The following SRD5A2 variants were observed in gnomAD, a reference collection of about 807,000 sequenced individuals.
SRD5A2 encodes 3-oxo-5-alpha-steroid 4-dehydrogenase 2.
In SRD5A2, 30 loss-of-function variants were observed where a neutral mutation model predicts 27.4. The observed-to-expected ratio is 1.10, with a 90% confidence interval of 0.82 to 1.49. The LOEUF is 1.49. SRD5A2 is among the 40% of genes most tolerant of loss of function. The pLI, the probability that SRD5A2 is intolerant of heterozygous loss-of-function variation, is 0.00. For synonymous variants in SRD5A2, 141 were observed against 133.6 expected (o/e 1.06, Z -0.38); for missense variants, 348 against 323.4 (o/e 1.08, Z -0.58).
chr2:31,609,223 A>G, the SRD5A2 span, among the ~76,000 whole-genome samples: 1 of 152,076 alleles, frequency 6.6e-6, no homozygotes, highest in Non-Finnish European at 1.5e-5. Context: ...TACTATTCAA[A>G]CTGATCTACA....
At chr2:31,569,496 A>G (rs1666805675) in intron 1 of SRD5A2, among the ~76,000 whole-genome samples, 1 of 152,178 alleles carries the variant, frequency 6.6e-6, no homozygotes, top group Admixed American at 6.5e-5. Context: ...CCTAATCACT[A>G]ATAATGAGCA....
intron 1 of SRD5A2, among the ~76,000 whole-genome samples, chr2:31,538,451 C>G (rs1245669777): frequency 6.6e-6 from 1 of 152,194 alleles, no homozygotes; most frequent in South Asian, 2.1e-4. Flanking sequence ...CATTAAACCT[C>G]TCCCGGGTAT....
At chr2:31,587,259 T>C in the SRD5A2 span, among the ~76,000 whole-genome samples, 1 of 152,184 alleles carries the variant, frequency 6.6e-6, no homozygotes, top group East Asian at 1.9e-4. Context: ...AAACAACAGA[T>C]GCTGGCAAAG....
chr2:31,562,465 G>A (rs572679740), intron 1 of SRD5A2, among the ~76,000 whole-genome samples: 1 of 152,084 alleles, frequency 6.6e-6, no homozygotes, highest in African/African-American at 2.4e-5. Context: ...TCAAATACTA[G>A]AACTTATTCA....
intron 1 of SRD5A2, among the ~76,000 whole-genome samples, chr2:31,562,523 G>A (rs1666645605): frequency 6.6e-6 from 1 of 152,074 alleles, no homozygotes. Context: ...CAAGTCTTCT[G>A]ATGTTATTTG....
chr2:31,625,197 T>G, the SRD5A2 span, among the ~76,000 whole-genome samples: 2 of 152,210 alleles, frequency 1.3e-5, no homozygotes, highest in East Asian at 3.8e-4. Context: ...GCCCACTTTT[T>G]GATGGGGTTG....
At chr2:31,579,401 C>T (rs1667025036) in intron 1 of SRD5A2, among the ~76,000 whole-genome samples, 1 of 152,172 alleles carries the variant, frequency 6.6e-6, no homozygotes, top group Non-Finnish European at 1.5e-5. Flanking sequence ...TCCAAACTTC[C>T]TTGATCTTTT....
chr2:31,571,967 C>T (rs1410108398), intron 1 of SRD5A2, among the ~76,000 whole-genome samples: 2 of 152,190 alleles, frequency 1.3e-5, no homozygotes, highest in East Asian at 3.8e-4. Context: ...ACTCAGCAAT[C>T]CCATTATTGG....
At position 31,526,245 on chromosome 2, in the gene SRD5A2, A is replaced by C; in HGVS notation, c.716T>G (p.Phe239Cys). 6.3e-7 allele frequency: 1 copy of C among 1,586,974 alleles called. No individual in the cohort carries two copies. The highest frequency in any genetic ancestry group is 8.6e-7 in the Non-Finnish European group (1 of 1,164,680). ...TTTCCGAGATTTGGGGTAGTCCTCA[A>C]ACATCTTGAGGTAGAACCTAAAAGA... ...FHHHRFYLKM[F>C]EDYPKSRKAL... is the part of the protein sequence containing the mutation. Residue 239 changes from phenylalanine (F) to cysteine (C), a missense_variant, in exon 5 of 5, where the codon TTT becomes TGT. Physicochemically the swap from Phe to Cys is radical, Grantham distance 205. Transcript: ENST00000622030.
At chr2:31,531,504 T>C in intron 2 of SRD5A2, 32 bp from the exon 3 acceptor site, 2 of 1,442,494 alleles carry the variant, frequency 1.4e-6, no homozygotes, top group Non-Finnish European at 1.9e-6. Flanking sequence ...GAGAAATTTT[T>C]TTTAAATGTG....
rs371573955 is a variant in SRD5A2, at chr2:31,580,702, T to A, written c.199A>T (p.Ile67Phe). 2 of 1,603,300 alleles carry A rather than the reference T, an allele frequency of 1.2e-6. No individual in the cohort carries two copies. Among genetic ancestry groups the A allele is most frequent in the Non-Finnish European group, 8.5e-7 (1 of 1,178,840 alleles). ...ELPSFAVPAG[I>F]LARQPLSLFG... Reference sequence around the variant, plus strand: ...AGGGAGAGGGGCTGCCGGGCGAGGATCCCCGCGGGCACCGCGAAGGAAGGC... The same window carrying A: ...AGGGAGAGGGGCTGCCGGGCGAGGAACCCCGCGGGCACCGCGAAGGAAGGC... Residue 67 changes from isoleucine to phenylalanine, a missense_variant, in exon 1 of 5, where the codon ATC (isoleucine) becomes TTC (phenylalanine). Transcript: ENST00000622030.
At chr2:31,560,776 T>C (rs562850149) in intron 1 of SRD5A2, among the ~76,000 whole-genome samples, 28 of 152,280 alleles carry the variant, frequency 1.8e-4, no homozygotes, top group Admixed American at 1.4e-3. Flanking sequence ...TATAATCCTA[T>C]AGCCCTACAG....
chr2:31,662,107 CT>C, the SRD5A2 span, among the ~76,000 whole-genome samples: 1 of 152,106 alleles, frequency 6.6e-6, no homozygotes, highest in African/African-American at 2.4e-5. Flanking sequence ...CACTTCTCTG[CT>C]TTTTCAAACA....
At chr2:31,618,454 G>A in the SRD5A2 span, among the ~76,000 whole-genome samples, 7 of 151,978 alleles carry the variant, frequency 4.6e-5, no homozygotes, top group Non-Finnish European at 5.9e-5. Context: ...AACGGACAAA[G>A]AAAATATGAT....
At chr2:31,651,298 G>A in the SRD5A2 span, 1 of 155,914 alleles carries the variant, frequency 6.4e-6, no homozygotes, top group East Asian at 1.9e-4. Flanking sequence ...AGAATTTTCA[G>A]ATTTCTGAAG....
At chr2:31,605,861 A>G in the SRD5A2 span, among the ~76,000 whole-genome samples, 1 of 151,954 alleles carries the variant, frequency 6.6e-6, no homozygotes, top group African/African-American at 2.4e-5. Context: ...TGTTTGTTGT[A>G]GCACTGTTCA....
At chr2:31,556,410 CA>C (rs933652937) in intron 1 of SRD5A2, among the ~76,000 whole-genome samples, 1 of 151,468 alleles carries the variant, frequency 6.6e-6, no homozygotes, top group Non-Finnish European at 1.5e-5. Context: ...CTTATGATAG[CA>C]AAAAAAAGTG....
chr2:31,586,177 T>C, the SRD5A2 span, among the ~76,000 whole-genome samples: 4 of 152,084 alleles, frequency 2.6e-5, no homozygotes, highest in African/African-American at 9.7e-5. Flanking sequence ...CAATGTGTAG[T>C]CTTTTATCCC....
chr2:31,557,173 T>C (rs1287668813), intron 1 of SRD5A2, among the ~76,000 whole-genome samples: 1 of 152,216 alleles, frequency 6.6e-6, no homozygotes, highest in Admixed American at 6.5e-5. Context: ...CACCCCTGGT[T>C]GCACAAGCAA....
Sources: gnomAD v4.1 joint callset for allele counts (sites outside exome capture counted in the v4.1 genomes callset) on GRCh38, gnomAD v4.1.1 for gene constraint, MANE v1.5 for transcripts, NCBI Gene and HGNC (gene_info 2026-07-23, HGNC 2026-07-21) for gene names.